Variants in IMMP1L observed in about 807,000 individuals in gnomAD.
The protein encoded by IMMP1L is mitochondrial inner membrane protease subunit 1.
Under a neutral mutation model 21.8 loss-of-function variants are expected in IMMP1L, and 24 were observed. The observed-to-expected ratio is 1.10, with a 90% CI of 0.80 to 1.55. IMMP1L has a LOEUF of 1.55. Ranked by LOEUF, IMMP1L falls within the 40% of genes most tolerant of loss-of-function variation. The pLI is 0.00. For missense variants in IMMP1L, 195 were observed against 200.7 expected, an observed-to-expected ratio of 0.97 and a Z score of 0.17; for synonymous variants, 46 against 62.8, an observed-to-expected ratio of 0.73 and a Z score of 1.26.
intron 5 of IMMP1L, among the ~76,000 whole-genome samples, chr11:31,432,782 C>T (rs1591928308): frequency 1.3e-5 from 2 of 152,238 alleles, no homozygotes; most frequent in African/African-American, 4.8e-5. Context: ...GACATTCAAA[C>T]AATGTACATG....
At chr11:31,491,636 A>T (rs1174685404) in intron 1 of IMMP1L, among the ~76,000 whole-genome samples, 1 of 152,182 alleles carries the variant, frequency 6.6e-6, no homozygotes, top group Non-Finnish European at 1.5e-5. Flanking sequence ...GCAAAGAAAA[A>T]CCTATGATTT....
intron 1 of IMMP1L, among the ~76,000 whole-genome samples, chr11:31,472,770 T>A (rs950211103): frequency 1.3e-5 from 2 of 152,252 alleles, no homozygotes; most frequent in Admixed American, 1.3e-4. Context: ...TCCCCAGAAA[T>A]CTTTTAAGAG....
intron 1 of IMMP1L, among the ~76,000 whole-genome samples, chr11:31,490,803 G>A (rs1955228902): frequency 6.6e-6 from 1 of 152,114 alleles, no homozygotes; most frequent in Non-Finnish European, 1.5e-5. Context: ...CTTTGCAGAT[G>A]TAATTAAGGT....
intron 1 of IMMP1L, among the ~76,000 whole-genome samples, chr11:31,504,740 CA>C (rs943452614): frequency 6.6e-6 from 1 of 152,114 alleles, no homozygotes; most frequent in Non-Finnish European, 1.5e-5. Flanking sequence ...CACACATTAA[CA>C]AGGATCATTT....
intron 1 of IMMP1L, among the ~76,000 whole-genome samples, chr11:31,478,956 A>C (rs1211462151): frequency 1.3e-5 from 2 of 152,096 alleles, no homozygotes; most frequent in Non-Finnish European, 2.9e-5. Flanking sequence ...AACATTTTAA[A>C]TGTATAGAAT....
chr11:31,439,458 C>T (rs1160123190), intron 4 of IMMP1L, among the ~76,000 whole-genome samples: 1 of 152,134 alleles, frequency 6.6e-6, no homozygotes, highest in East Asian at 1.9e-4. Flanking sequence ...TGTTCATCTC[C>T]TCTAGATCCT....
intron 1 of IMMP1L, among the ~76,000 whole-genome samples, chr11:31,468,298 T>C (rs2133693823): frequency 6.6e-6 from 1 of 152,294 alleles, no homozygotes; most frequent in Middle Eastern, 3.4e-3. Flanking sequence ...CAAGGAATTA[T>C]TTTGAGAAAA....
chr11:31,437,853 AC>A (rs1953179339), intron 4 of IMMP1L, among the ~76,000 whole-genome samples: 1 of 152,120 alleles, frequency 6.6e-6, no homozygotes, highest in Non-Finnish European at 1.5e-5. Flanking sequence ...ATTACAAAGT[AC>A]CTATTTTGTG....
intron 1 of IMMP1L, among the ~76,000 whole-genome samples, chr11:31,508,147 G>T (rs1232694916): frequency 6.6e-6 from 1 of 151,924 alleles, no homozygotes; most frequent in African/African-American, 2.4e-5. Flanking sequence ...ATGAAGCCCA[G>T]AACCTAAAAC....
intron 4 of IMMP1L, among the ~76,000 whole-genome samples, chr11:31,451,118 A>T (rs1271563734): frequency 6.6e-6 from 1 of 152,228 alleles, no homozygotes; most frequent in Non-Finnish European, 1.5e-5. Flanking sequence ...CAATGACACA[A>T]TAATTACAAG....
intron 3 of IMMP1L, 58 bp downstream of exon 3, chr11:31,460,568 C>A: frequency 1.9e-6 from 2 of 1,032,514 alleles, no homozygotes; most frequent in Non-Finnish European, 3.0e-6. Flanking sequence ...TGCAGAAAAG[C>A]CACAATGTGT....
At chr11:31,443,665 T>G (rs945855127) in intron 4 of IMMP1L, among the ~76,000 whole-genome samples, 1 of 152,198 alleles carries the variant, frequency 6.6e-6, no homozygotes, top group Non-Finnish European at 1.5e-5. Flanking sequence ...ACACTGACTA[T>G]TTTAATACGT....
chr11:31,479,343 G>A (rs989547082), intron 1 of IMMP1L, among the ~76,000 whole-genome samples: 5 of 151,938 alleles, frequency 3.3e-5, no homozygotes, highest in Non-Finnish European at 5.9e-5. Flanking sequence ...AAAGTCAGGT[G>A]ACACAATTGG....
chr11:31,468,444 C>T (rs965181909), intron 1 of IMMP1L, among the ~76,000 whole-genome samples: 45 of 152,122 alleles, frequency 3.0e-4, no homozygotes, highest in Admixed American at 1.1e-3. Context: ...GAAGATAGAA[C>T]GCTAATGTGG....
chr11:31,476,042 G>A (rs1390399393), intron 1 of IMMP1L, among the ~76,000 whole-genome samples: 2 of 152,052 alleles, frequency 1.3e-5, no homozygotes, highest in South Asian at 2.1e-4. Context: ...ACCATAGAAA[G>A]TTATGCTGAG....
chr11:31,509,119 G>T (rs187649638), intron 1 of IMMP1L, among the ~76,000 whole-genome samples: 1 of 152,248 alleles, frequency 6.6e-6, no homozygotes, highest in East Asian at 1.9e-4. Flanking sequence ...GCTTCTTATC[G>T]GAACTTGTCA....
At chr11:31,506,194 A>G (rs1312003489) in intron 1 of IMMP1L, among the ~76,000 whole-genome samples, 1 of 151,984 alleles carries the variant, frequency 6.6e-6, no homozygotes, top group Non-Finnish European at 1.5e-5. Context: ...TCCTTCATAA[A>G]GAATTAATTA....
chr11:31,465,581 G>T (rs929127372), intron 1 of IMMP1L, among the ~76,000 whole-genome samples: 1 of 151,978 alleles, frequency 6.6e-6, no homozygotes, highest in Non-Finnish European at 1.5e-5. Context: ...AAACAGCATG[G>T]TATTAGTATA....
Position 31,497,730 on chromosome 11 carries a change from G to A in IMMP1L, c.-30+11789C>T, listed in dbSNP as rs557283530. 1.4e-3 allele frequency among the ~76,000 whole-genome samples: 217 copies of A among 152,256 alleles called. 2 individuals carry two copies. Among genetic ancestry groups the A allele is most frequent in the Non-Finnish European group, 1.3e-4 (9 of 68,008 alleles). ...CTGCCAAAGTGTTGGGATTACAGGC[G>A]TGAGCCACTGCACCCGGCGGGGTAC... On this transcript the variant is annotated intron_variant, in intron 1 of 5. Transcript: ENST00000532287.
Sources: gnomAD v4.1 joint callset for allele counts (sites outside exome capture counted in the v4.1 genomes callset) on GRCh38, gnomAD v4.1.1 for gene constraint, MANE v1.5 for transcripts, NCBI Gene and HGNC (gene_info 2026-07-23, HGNC 2026-07-21) for gene names.